Variants in SLC24A3 observed in about 807,000 individuals in gnomAD.
The protein encoded by SLC24A3 is solute carrier family 24 member 3, also known as sodium/potassium/calcium exchanger 3.
A neutral mutation model predicts 75.8 loss-of-function variants in SLC24A3; 28 were observed. The ratio of observed to expected loss-of-function variants is 0.37; its 90% CI spans 0.27 to 0.51. SLC24A3 has a LOEUF of 0.51. Among genes scored for constraint, SLC24A3 ranks in the 20% least tolerant of loss-of-function variants. The pLI, the probability that SLC24A3 is intolerant of heterozygous loss-of-function variation, is 0.94. For missense variants in SLC24A3, 663 were observed against 847.8 expected (o/e 0.78, Z 2.71); for synonymous variants, 372 against 334.1 (o/e 1.11, Z -1.24).
chr20:19,587,239 G>A (rs2031310882), intron 6 of SLC24A3, among the ~76,000 whole-genome samples: 1 of 152,232 alleles, frequency 6.6e-6, no homozygotes, highest in African/African-American at 2.4e-5. Flanking sequence ...GTAGAGAAAT[G>A]AAACAAATGA....
At chr20:19,583,180 G>T (rs1312848732) in intron 4 of SLC24A3, among the ~76,000 whole-genome samples, 1 of 152,152 alleles carries the variant, frequency 6.6e-6, no homozygotes, top group Non-Finnish European at 1.5e-5. Flanking sequence ...GAATTGGCAA[G>T]TGCAGAAGTG....
chr20:19,620,326 T>TCCCCCAAAAAA (rs1568675245), intron 6 of SLC24A3, among the ~76,000 whole-genome samples: 1 of 152,138 alleles, frequency 6.6e-6, no homozygotes, highest in Non-Finnish European at 1.5e-5. Flanking sequence ...CAATCTTTTT[T>TCCCCCAAAAAA]GGGGGGGAAA....
At chr20:19,329,330 A>G (rs1354542448) in intron 2 of SLC24A3, among the ~76,000 whole-genome samples, 1 of 152,192 alleles carries the variant, frequency 6.6e-6, no homozygotes, top group African/African-American at 2.4e-5. Context: ...ACCTGAATGT[A>G]TTGGCTTTAC....
At chr20:19,528,359 T>A (rs2030237293) in intron 3 of SLC24A3, among the ~76,000 whole-genome samples, 1 of 152,142 alleles carries the variant, frequency 6.6e-6, no homozygotes, top group Admixed American at 6.5e-5. Flanking sequence ...CATTTTCCCA[T>A]CTCTTTACCT....
At chr20:19,389,122 TCTC>T (rs1986324297) in intron 2 of SLC24A3, among the ~76,000 whole-genome samples, 1 of 152,122 alleles carries the variant, frequency 6.6e-6, no homozygotes, top group South Asian at 2.1e-4. Flanking sequence ...CATTTTAACT[TCTC>T]TTCCCCCCAA....
chr20:19,507,490 T>C (rs564084152), intron 2 of SLC24A3, among the ~76,000 whole-genome samples: 1 of 152,378 alleles, frequency 6.6e-6, no homozygotes, highest in East Asian at 1.9e-4. Context: ...GGGATTCTGG[T>C]ATCAGTCACT....
intron 2 of SLC24A3, among the ~76,000 whole-genome samples, chr20:19,288,822 G>A (rs1339716811): frequency 6.6e-6 from 1 of 152,218 alleles, no homozygotes; most frequent in Non-Finnish European, 1.5e-5. Flanking sequence ...CAGGGGGCCT[G>A]TCGACTGTCT....
rs149446327 is a variant in SLC24A3 at position 19,716,740 on chromosome 20, G to T, written c.1720-788G>T. The stretch of plus-strand genomic sequence containing the variant: ...CTACAAAAAATCAAAAATCAGCCAG[G>T]TGTGATGGTGTGTGCCTGTAGTCCT... On this transcript the variant is annotated intron_variant, in intron 15 of 16. Transcript: ENST00000328041. 8.9e-3 allele frequency among the ~76,000 whole-genome samples: 1,350 copies of T among 152,122 alleles called. 26 individuals carry two copies. Among genetic ancestry groups the T allele is most frequent in the African/African-American group, 0.031 (1,278 of 41,488 alleles).
At chr20:19,616,379 A>G (rs1450399342) in intron 6 of SLC24A3, among the ~76,000 whole-genome samples, 2 of 152,334 alleles carry the variant, frequency 1.3e-5, no homozygotes, top group East Asian at 3.9e-4. Flanking sequence ...TCACCTCTCC[A>G]TGCCTGCCAC....
rs185250257 is a variant in SLC24A3, at chr20:19,254,023, T to A, written c.143-26936T>A. ...CGTTCCCCTCAGGGCTTACATGGCA[T>A]GAACTCTGGCCCATGTTGCCAGGTC... On this transcript the variant is annotated intron_variant, in intron 1 of 16. Transcript: ENST00000328041. 4.0e-4 allele frequency among the ~76,000 whole-genome samples: 61 copies of A among 152,352 alleles called. 1 individual carries two copies. The highest frequency in any genetic ancestry group is 1.4e-3 in the African/African-American group (59 of 41,590).
intron 1 of SLC24A3, among the ~76,000 whole-genome samples, chr20:19,277,408 G>T (rs1983519669): frequency 6.6e-6 from 1 of 152,182 alleles, no homozygotes; most frequent in African/African-American, 2.4e-5. Flanking sequence ...TCTGATCTTA[G>T]GCAAATTGCT....
chr20:19,584,453 C>T (rs957078238), intron 4 of SLC24A3, among the ~76,000 whole-genome samples: 1 of 152,148 alleles, frequency 6.6e-6, no homozygotes, highest in African/African-American at 2.4e-5. Context: ...CATAGTATCA[C>T]AAAAATCAGG....
At chr20:19,490,113 T>C (rs143483001) in intron 2 of SLC24A3, among the ~76,000 whole-genome samples, 13 of 152,324 alleles carry the variant, frequency 8.5e-5, no homozygotes, top group African/African-American at 2.4e-4. Context: ...GATGGCCAGA[T>C]TGGCCATCAG....
chr20:19,485,650 T>C (rs1332402633), intron 2 of SLC24A3, among the ~76,000 whole-genome samples: 1 of 152,168 alleles, frequency 6.6e-6, no homozygotes, highest in Non-Finnish European at 1.5e-5. Flanking sequence ...ACATACACTT[T>C]TTTAGAGTTG....
chr20:19,576,680 C>T (rs1039298866), intron 3 of SLC24A3, among the ~76,000 whole-genome samples: 1 of 152,186 alleles, frequency 6.6e-6, no homozygotes, highest in African/African-American at 2.4e-5. Flanking sequence ...TCTCATTTCT[C>T]ATCCCCCTCG....
chr20:19,510,942 C>A (rs769570879), intron 2 of SLC24A3, among the ~76,000 whole-genome samples: 4 of 152,146 alleles, frequency 2.6e-5, no homozygotes, highest in Non-Finnish European at 5.9e-5. Context: ...CTTCTCTGGC[C>A]CCAGAAGCAT....
intron 6 of SLC24A3, among the ~76,000 whole-genome samples, chr20:19,610,378 C>T (rs1393232514): frequency 2.6e-5 from 4 of 152,118 alleles, no homozygotes; most frequent in African/African-American, 7.2e-5. Flanking sequence ...GGCCTAGAGA[C>T]GGAACAGTGG....
At chr20:19,376,207 A>G (rs1484792693) in intron 2 of SLC24A3, among the ~76,000 whole-genome samples, 1 of 152,188 alleles carries the variant, frequency 6.6e-6, no homozygotes. Context: ...AATGCTTCCT[A>G]TACTTTTATT....
At chr20:19,421,628 T>G (rs1689567707) in intron 2 of SLC24A3, among the ~76,000 whole-genome samples, 1 of 152,122 alleles carries the variant, frequency 6.6e-6, no homozygotes, top group Non-Finnish European at 1.5e-5. Flanking sequence ...AAGATGTGGA[T>G]CCTTATCACA....
Sources: gnomAD v4.1 joint callset for allele counts (sites outside exome capture counted in the v4.1 genomes callset) on GRCh38, gnomAD v4.1.1 for gene constraint, MANE v1.5 for transcripts, NCBI Gene and HGNC (gene_info 2026-07-23, HGNC 2026-07-21) for gene names.